KIZ: variants seen among roughly 807,000 people sequenced by gnomAD.
KIZ encodes kizuna centrosomal protein, also known as centrosomal protein kizuna.
KIZ carries 68 observed loss-of-function variants against 79.6 expected under a neutral mutation model. The observed-to-expected ratio is 0.85, with a 90% CI of 0.70 to 1.05. KIZ has a LOEUF of 1.05. Ranked by LOEUF, KIZ falls within the 50% of genes least tolerant of loss-of-function variation. The pLI, the probability that KIZ is intolerant of heterozygous loss-of-function variation, is 0.00. For synonymous variants in KIZ, 280 were observed against 281.8 expected, an observed-to-expected ratio of 0.99 and a Z score of 0.06; for missense variants, 797 against 800.4, an observed-to-expected ratio of 1.00 and a Z score of 0.05.
At chr20:21,232,930 TGGA>T in intron 11 of KIZ, 100 bp downstream of exon 11, 1 of 676,066 alleles carries the variant, frequency 1.5e-6, no homozygotes. Flanking sequence ...TTGTATGACT[TGGA>T]GGGTTATGGT....
At chr20:21,200,790 A>G (rs150243709) in intron 6 of KIZ, among the ~76,000 whole-genome samples, 196 of 152,276 alleles carry the variant, frequency 1.3e-3, no homozygotes, top group Admixed American at 3.1e-3. Context: ...AGATAATGTG[A>G]AGATTTCTGA....
chr20:21,241,835 C>T (rs939073428), intron 11 of KIZ, among the ~76,000 whole-genome samples: 6 of 152,176 alleles, frequency 3.9e-5, no homozygotes, highest in African/African-American at 1.4e-4. Flanking sequence ...TCTGTGTTTA[C>T]AGCCTTGTGC....
chr20:21,141,431 A>G (rs2032521090), intron 3 of KIZ, among the ~76,000 whole-genome samples: 1 of 152,120 alleles, frequency 6.6e-6, no homozygotes, highest in Non-Finnish European at 1.5e-5. Context: ...AGCAGCATTG[A>G]TTGAGGACTG....
chr20:21,162,584 T>C, intron 5 of KIZ, 77 bp downstream of exon 5: 1 of 1,077,852 alleles, frequency 9.3e-7, no homozygotes, highest in Non-Finnish European at 1.3e-6. Context: ...ATATACTAAT[T>C]ATCTCTCTTT....
At chr20:21,221,980 G>A (rs565721483) in intron 9 of KIZ, among the ~76,000 whole-genome samples, 92 of 152,236 alleles carry the variant, frequency 6.0e-4, no homozygotes, top group African/African-American at 2.1e-3. Context: ...TGCCTGGAAC[G>A]GGAAACCCCC....
intron 6 of KIZ, among the ~76,000 whole-genome samples, chr20:21,174,959 G>A (rs2034371324): frequency 6.6e-6 from 1 of 152,220 alleles, no homozygotes; most frequent in African/African-American, 2.4e-5. Flanking sequence ...TAGAAATTCA[G>A]CATTCCTTCA....
intron 10 of KIZ, among the ~76,000 whole-genome samples, chr20:21,232,265 C>A (rs542427446): frequency 6.6e-6 from 1 of 152,304 alleles, no homozygotes; most frequent in South Asian, 2.1e-4. Flanking sequence ...TGATGATTTT[C>A]AGTGGAGATT....
chr20:21,130,139 A>G (rs193078624), intron 1 of KIZ, among the ~76,000 whole-genome samples: 2 of 152,210 alleles, frequency 1.3e-5, no homozygotes, highest in African/African-American at 4.8e-5. Flanking sequence ...CTCACCTGCA[A>G]ACCGCGGTTG....
At chr20:21,129,143 G>A (rs1024461625) in intron 1 of KIZ, among the ~76,000 whole-genome samples, 7 of 152,176 alleles carry the variant, frequency 4.6e-5, no homozygotes, top group Non-Finnish European at 1.0e-4. Context: ...AAGACATGGA[G>A]GGCTCAGCAT....
At chr20:21,193,945 T>G in intron 6 of KIZ, 1 of 151,786 alleles carries the variant, frequency 6.6e-6, no homozygotes, top group East Asian at 1.9e-4. Context: ...GCATGGCACG[T>G]GTACACATAT....
At chr20:21,236,676 T>C (rs1172198678) in intron 11 of KIZ, among the ~76,000 whole-genome samples, 2 of 151,846 alleles carry the variant, frequency 1.3e-5, no homozygotes, top group Non-Finnish European at 2.9e-5. Flanking sequence ...TAATGGGCCA[T>C]GGCTATTTTT....
intron 4 of KIZ, chr20:21,151,614 A>C (rs779206055): frequency 3.3e-5 from 5 of 152,236 alleles, no homozygotes; most frequent in Admixed American, 6.5e-5. Context: ...GAAGCTCCAT[A>C]GGAGAACGAG....
intron 7 of KIZ, chr20:21,213,870 A>C (rs2036174843): frequency 6.6e-6 from 1 of 152,260 alleles, no homozygotes; most frequent in African/African-American, 2.4e-5. Flanking sequence ...AAAGATAGGC[A>C]GTGTGGTGGG....
chr20:21,135,069 C>T (rs2032107355), intron 2 of KIZ, among the ~76,000 whole-genome samples: 1 of 152,148 alleles, frequency 6.6e-6, no homozygotes. Flanking sequence ...TTTTAGTTTC[C>T]CTCATAGCAT....
chr20:21,227,184 C>G (rs2036685136), intron 9 of KIZ, among the ~76,000 whole-genome samples: 1 of 152,144 alleles, frequency 6.6e-6, no homozygotes, highest in African/African-American at 2.4e-5. Flanking sequence ...TAATCCCCCC[C>G]AAATCTGAAA....
chr20:21,227,192 A>T (rs1193352354), intron 9 of KIZ, among the ~76,000 whole-genome samples: 1 of 152,118 alleles, frequency 6.6e-6, no homozygotes, highest in Non-Finnish European at 1.5e-5. Context: ...CCCAAATCTG[A>T]AATTACCTCA....
chr20:21,167,724 A>G (rs752120267), intron 6 of KIZ, among the ~76,000 whole-genome samples: 7 of 151,560 alleles, frequency 4.6e-5, no homozygotes, highest in Non-Finnish European at 1.0e-4. Context: ...AGCACATCCA[A>G]CTAATTTTGT....
At chr20:21,152,881 T>C (rs1474529565) in intron 4 of KIZ, among the ~76,000 whole-genome samples, 8 of 152,236 alleles carry the variant, frequency 5.3e-5, no homozygotes, top group African/African-American at 1.7e-4. Context: ...TCTATCTTAG[T>C]GAGATCAGAT....
In KIZ at chr20:21,205,523, G is replaced by T; in HGVS notation, c.1385G>T (p.Arg462Met). ...CAAACACCAGACTCAGACGTACCGA[G>T]GGCACAGGTGGGTCAGCATGTTGCC... is the stretch of plus-strand genomic sequence containing the variant. ...PGQTPDSDVP[R>M]AQVGQHVATL... The change falls in exon 7 of 13, where the codon AGG (arginine) becomes ATG (methionine). Residue 462 changes from arginine (R) to methionine (M), a missense_variant. Coordinates refer to ENST00000619189, the MANE Select transcript of KIZ (RefSeq NM_018474.6). 1 of 1,562,192 alleles carries T rather than the reference G, an allele frequency of 6.4e-7. No individual in the cohort carries two copies. The highest frequency in any genetic ancestry group is 8.7e-7 in the Non-Finnish European group (1 of 1,142,868).
Sources: gnomAD v4.1 joint callset for allele counts (sites outside exome capture counted in the v4.1 genomes callset) on GRCh38, gnomAD v4.1.1 for gene constraint, MANE v1.5 for transcripts, NCBI Gene and HGNC (gene_info 2026-07-23, HGNC 2026-07-21) for gene names.